Variants in TJP2 observed in about 807,000 individuals in gnomAD.
TJP2 encodes tight junction protein 2, also known as Friedreich ataxia region gene X104 (tight junction protein ZO-2).
A neutral mutation model predicts 133.1 loss-of-function variants in TJP2; 91 were observed. That is an observed-to-expected ratio of 0.68 (90% CI 0.58 to 0.81). TJP2 has a LOEUF of 0.81. Ranked by LOEUF, TJP2 falls within the 40% of genes least tolerant of loss-of-function variation. The pLI is 0.00. For synonymous variants in TJP2, 592 were observed against 583.4 expected (o/e 1.01, Z -0.21); for missense variants, 1,541 against 1,565.6 (o/e 0.98, Z 0.26).
intron 1 of TJP2, among the ~76,000 whole-genome samples, chr9:69,211,986 C>A (rs1458605092): frequency 6.6e-6 from 1 of 152,042 alleles, no homozygotes; most frequent in African/African-American, 2.4e-5. Flanking sequence ...TTTCTGGATA[C>A]CTACTTTGGA....
In TJP2 at chr9:69,254,586, G is replaced by C. The variant is rs1249128180; in HGVS notation, c.*212G>C. ...GTGGGACTGGGTTAGAGGAGTCTGT[G>C]GCTTTTTGTTCAGAATTAAGCAGAA... is the stretch of plus-strand genomic sequence containing the variant. On this transcript the variant is annotated 3_prime_UTR_variant, in exon 23 of 23. Transcript: ENST00000377245. The C allele has an allele frequency of 1.6e-6, 1 of 644,014 alleles. No homozygotes were observed. Among genetic ancestry groups the C allele is most frequent in the Non-Finnish European group, 2.7e-6 (1 of 365,552 alleles). 39.9% of individuals were successfully genotyped at this position (644,014 alleles called of 1,614,324 possible).
chr9:69,143,809 G>A (rs1338145972), intron 1 of TJP2, among the ~76,000 whole-genome samples: 1 of 152,024 alleles, frequency 6.6e-6, no homozygotes, highest in Non-Finnish European at 1.5e-5. Context: ...TAGTTGAAGG[G>A]TTATTTAAAG....
At chr9:69,204,921 GAGAA>G in intron 1 of TJP2, 1 of 1,246,558 alleles carries the variant, frequency 8.0e-7, no homozygotes, top group East Asian at 3.3e-5. Context: ...GAGAGAGGGA[GAGAA>G]AGAAAGCTGT....
chr9:69,247,832 G>A (rs367811890), intron 18 of TJP2, among the ~76,000 whole-genome samples, 180 bp from the exon 19 acceptor site: 6 of 152,124 alleles, frequency 3.9e-5, no homozygotes, highest in East Asian at 1.9e-4. Context: ...GCACAAAAAC[G>A]ACCATAATAT....
intron 2 of TJP2, among the ~76,000 whole-genome samples, chr9:69,168,619 A>AC (rs1241407498): frequency 6.6e-6 from 1 of 151,778 alleles, no homozygotes; most frequent in Non-Finnish European, 1.5e-5. Flanking sequence ...ACACGGTGAA[A>AC]CCCCATCTCT....
At chr9:69,131,099 A>G (rs1199440913) in intron 1 of TJP2, among the ~76,000 whole-genome samples, 1 of 152,152 alleles carries the variant, frequency 6.6e-6, no homozygotes, top group East Asian at 1.9e-4. Context: ...ATCATGACTA[A>G]GTTCTCTCCC....
chr9:69,137,667 CT>C (rs1404732959), intron 1 of TJP2, among the ~76,000 whole-genome samples: 3 of 150,938 alleles, frequency 2.0e-5, no homozygotes, highest in East Asian at 2.0e-4. Flanking sequence ...CTCAGCTGAG[CT>C]TTTTTTTTCA....
At chr9:69,212,183 C>T (rs73649625) in intron 1 of TJP2, among the ~76,000 whole-genome samples, 2,713 of 152,126 alleles carry the variant, frequency 0.018, 82 homozygotes, top group African/African-American at 0.062. Flanking sequence ...TCACCTTTGA[C>T]AGGAAGAGGG....
intron 1 of TJP2, among the ~76,000 whole-genome samples, chr9:69,148,871 T>C (rs917024565): frequency 6.6e-6 from 1 of 152,160 alleles, no homozygotes; most frequent in African/African-American, 2.4e-5. Context: ...GCTCAACAAA[T>C]ATTTTCCAGT....
intron 1 of TJP2, among the ~76,000 whole-genome samples, chr9:69,139,957 G>A (rs11145421): frequency 0.18 from 26,929 of 152,102 alleles, 2,467 homozygotes; most frequent in Middle Eastern, 0.23. Flanking sequence ...CCAAACCTTC[G>A]TCTAGAGCAA....
Position 69,203,565 on chromosome 9 carries a change from A to G in TJP2, c.61-8983A>G, listed in dbSNP as rs567808202. ...GTGATCCTCCCACCTCAGCCTCCCA[A>G]AGTGCTGGGATTATAGGCATGAGCC... On this transcript the variant is annotated intron_variant, in intron 1 of 22. Transcript: ENST00000377245. Among the ~76,000 whole-genome samples the G allele has an allele frequency of 3.4e-5, 5 of 146,786 alleles. No homozygotes were observed. The South Asian group carries it at 1.1e-3, about 32-fold the overall frequency.
upstream of TJP2, among the ~76,000 whole-genome samples, chr9:69,173,165 TG>T (rs1281223434): frequency 6.6e-6 from 1 of 152,180 alleles, no homozygotes. Context: ...GCATCTCCTC[TG>T]GGACAGACCA....
intron 1 of TJP2, chr9:69,205,038 C>A: frequency 6.9e-7 from 1 of 1,443,406 alleles, no homozygotes; most frequent in Non-Finnish European, 9.1e-7. Context: ...TGTGAGATGA[C>A]AACAGGATTT....
intron 17 of TJP2, among the ~76,000 whole-genome samples, chr9:69,244,329 A>G (rs1307593656): frequency 6.6e-6 from 1 of 151,608 alleles, no homozygotes; most frequent in African/African-American, 2.4e-5. Flanking sequence ...GTCATTCCCC[A>G]TTTCTCCCTT....
At chr9:69,151,800 C>G in intron 2 of TJP2, 1 of 1,232,068 alleles carries the variant, frequency 8.1e-7, no homozygotes, top group East Asian at 3.2e-5. Flanking sequence ...TCTCATCAAC[C>G]TAGTTACTGG....
intron 1 of TJP2, among the ~76,000 whole-genome samples, chr9:69,179,104 G>A (rs1431887384): frequency 6.6e-6 from 1 of 152,086 alleles, no homozygotes; most frequent in Non-Finnish European, 1.5e-5. Flanking sequence ...GCATGCTCAT[G>A]GCAGGCGAAT....
intron 5 of TJP2, among the ~76,000 whole-genome samples, chr9:69,223,437 A>T (rs1182258511): frequency 1.3e-5 from 2 of 152,078 alleles, no homozygotes; most frequent in African/African-American, 4.8e-5. Flanking sequence ...CCTCCCAAGT[A>T]GCTGGGACTG....
intron 1 of TJP2, among the ~76,000 whole-genome samples, chr9:69,191,606 G>C (rs981772768): frequency 4.6e-5 from 7 of 152,212 alleles, no homozygotes; most frequent in African/African-American, 1.4e-4. Context: ...GCTGTTTCCA[G>C]ACCTTTCTGT....
chr9:69,142,985 T>C (rs1204558345), intron 1 of TJP2, among the ~76,000 whole-genome samples: 1 of 152,248 alleles, frequency 6.6e-6, no homozygotes, highest in Non-Finnish European at 1.5e-5. Flanking sequence ...TTTGGCTAGA[T>C]TTGTTATTTC....
Sources: gnomAD v4.1 joint callset for allele counts (sites outside exome capture counted in the v4.1 genomes callset) on GRCh38, gnomAD v4.1.1 for gene constraint, MANE v1.5 for transcripts, NCBI Gene and HGNC (gene_info 2026-07-23, HGNC 2026-07-21) for gene names.